GADL1: variants seen among roughly 807,000 people sequenced by gnomAD.
The protein encoded by GADL1 is GAD like acidic amino acid decarboxylase 1.
In GADL1, 71 loss-of-function variants were observed where a neutral mutation model predicts 69.5. The ratio of observed to expected loss-of-function variants is 1.02; its 90% CI spans 0.84 to 1.25. GADL1 has a LOEUF of 1.25. GADL1 is among the 50% of genes most tolerant of loss of function. The pLI is 0.00. For missense variants in GADL1, 737 were observed against 631.8 expected, an observed-to-expected ratio of 1.17 and a Z score of -1.79; for synonymous variants, 254 against 214.4, an observed-to-expected ratio of 1.18 and a Z score of -1.62.
intron 13 of GADL1, among the ~76,000 whole-genome samples, chr3:30,782,097 A>C (rs1410344543): frequency 6.6e-6 from 1 of 152,206 alleles, no homozygotes; most frequent in Non-Finnish European, 1.5e-5. Context: ...TGTACTGAAG[A>C]GAGGTGAAGC....
chr3:30,755,009 T>C (rs1434015168), intron 14 of GADL1, among the ~76,000 whole-genome samples: 2 of 152,194 alleles, frequency 1.3e-5, no homozygotes, highest in African/African-American at 4.8e-5. Context: ...TCAGCATCTC[T>C]GAAAAGATTT....
chr3:30,734,204 C>A (rs763806837), intron 14 of GADL1, among the ~76,000 whole-genome samples: 3 of 152,174 alleles, frequency 2.0e-5, no homozygotes, highest in Non-Finnish European at 2.9e-5. Context: ...AGTCTCACAT[C>A]GATTTACATC....
At chr3:30,816,531 T>TTTTC in intron 11 of GADL1, among the ~76,000 whole-genome samples, 1 of 31,064 alleles carries the variant, frequency 3.2e-5, no homozygotes, top group Non-Finnish European at 5.3e-5. Flanking sequence ...ATTTGTTTTC[T>TTTTC]TTTTTTTTTT....
chr3:30,807,528 CAG>C (rs1697275730), intron 11 of GADL1, among the ~76,000 whole-genome samples: 1 of 152,148 alleles, frequency 6.6e-6, no homozygotes, highest in Non-Finnish European at 1.5e-5. Flanking sequence ...TTACAAGTCT[CAG>C]TGTAGTTTAA....
chr3:30,887,664 C>T (rs1356503897), intron 1 of GADL1, among the ~76,000 whole-genome samples: 1 of 152,038 alleles, frequency 6.6e-6, no homozygotes, highest in Non-Finnish European at 1.5e-5. Flanking sequence ...AGGCAGTCTT[C>T]AGGAAAAATG....
intron 14 of GADL1, among the ~76,000 whole-genome samples, chr3:30,772,961 C>CCA (rs1176458708): frequency 2.0e-5 from 3 of 152,010 alleles, no homozygotes; most frequent in African/African-American, 7.3e-5. Flanking sequence ...TCACTAGGAA[C>CCA]CACCACTAGC....
chr3:30,775,760 A>T (rs1696523031), intron 14 of GADL1, among the ~76,000 whole-genome samples: 1 of 152,204 alleles, frequency 6.6e-6, no homozygotes, highest in African/African-American at 2.4e-5. Context: ...TATTGGGGAT[A>T]AGAGAATGTC....
intron 1 of GADL1, among the ~76,000 whole-genome samples, chr3:30,890,419 AATG>A (rs759315443): frequency 9.2e-5 from 14 of 152,220 alleles, no homozygotes; most frequent in Non-Finnish European, 1.3e-4. Context: ...TGTAAAAAAG[AATG>A]ATGATATGGG....
At chr3:30,862,283 T>C (rs141463321) in intron 1 of GADL1, among the ~76,000 whole-genome samples, 248 of 151,976 alleles carry the variant, frequency 1.6e-3, no homozygotes, top group Non-Finnish European at 3.1e-3. Context: ...CACAGGAGAG[T>C]TCGAGATGGA....
chr3:30,834,732 G>A (rs151239876), intron 9 of GADL1, among the ~76,000 whole-genome samples: 132 of 152,152 alleles, frequency 8.7e-4, no homozygotes, highest in African/African-American at 3.0e-3. Flanking sequence ...GGATGAGCTA[G>A]GCGGAAATAT....
chr3:30,822,656 A>G lies in GADL1; in HGVS notation c.1050+11197T>C, dbSNP rs889206118. On this transcript the variant is annotated intron_variant, in intron 11 of 14. Coordinates refer to ENST00000282538, the MANE Select transcript of GADL1 (RefSeq NM_207359.3). Reference sequence around the variant, plus strand: ...ACAACTAATTTTCGCATTCTTAATTATGCTTGACTCTGACAGTGTGATCAT... The same window carrying G: ...ACAACTAATTTTCGCATTCTTAATTGTGCTTGACTCTGACAGTGTGATCAT... Among the ~76,000 whole-genome samples, 4 of 152,174 alleles carry G rather than the reference A, an allele frequency of 2.6e-5. No homozygotes were observed. In the East Asian group the frequency reaches 7.8e-4, roughly 29 times the overall value.
chr3:30,768,174 A>G (rs1696329882), intron 14 of GADL1, among the ~76,000 whole-genome samples: 1 of 152,186 alleles, frequency 6.6e-6, no homozygotes, highest in African/African-American at 2.4e-5. Context: ...TCAAAGCTGC[A>G]TGAGTTTTTT....
chr3:30,819,396 A>G (rs1316676715), intron 11 of GADL1, among the ~76,000 whole-genome samples: 1 of 152,156 alleles, frequency 6.6e-6, no homozygotes, highest in Non-Finnish European at 1.5e-5. Flanking sequence ...CATTCTGATC[A>G]TTGAGTACAA....
At chr3:30,852,236 T>C (rs902754553) in intron 4 of GADL1, among the ~76,000 whole-genome samples, 2 of 152,284 alleles carry the variant, frequency 1.3e-5, no homozygotes, top group South Asian at 2.1e-4. Context: ...TAGATTCAGC[T>C]GGGTGCAGTG....
intron 14 of GADL1, 101 bp downstream of exon 14, chr3:30,778,078 T>G: frequency 4.3e-6 from 3 of 696,430 alleles, no homozygotes; most frequent in Non-Finnish European, 7.7e-6. Context: ...CTTCTCTAGA[T>G]AATTCTGTGC....
chr3:30,740,899 C>T (rs7428781), intron 14 of GADL1, among the ~76,000 whole-genome samples: 11,308 of 140,296 alleles, frequency 0.081, 1,231 homozygotes, highest in African/African-American at 0.26. Flanking sequence ...TACAAACAAA[C>T]ATATATATAT....
At chr3:30,892,102 A>G (rs1698795417) in intron 1 of GADL1, among the ~76,000 whole-genome samples, 1 of 152,236 alleles carries the variant, frequency 6.6e-6, no homozygotes, top group South Asian at 2.1e-4. Context: ...GAGTCTGAAG[A>G]ATCATTCATT....
chr3:30,821,748 G>C (rs1179719142), intron 11 of GADL1, among the ~76,000 whole-genome samples: 1 of 151,556 alleles, frequency 6.6e-6, no homozygotes. Flanking sequence ...TTTTTTAAAA[G>C]AGTGAATATA....
At chr3:30,766,564 T>TTC (rs1553637115) in intron 14 of GADL1, among the ~76,000 whole-genome samples, 26 of 152,022 alleles carry the variant, frequency 1.7e-4, no homozygotes, top group South Asian at 6.2e-4. Flanking sequence ...TGATTTTTTT[T>TTC]CTCTTAATGA....
Sources: allele counts gnomAD v4.1 joint callset (sites outside exome capture counted in the v4.1 genomes callset), GRCh38; gene constraint gnomAD v4.1.1; transcripts MANE v1.5; gene names NCBI Gene and HGNC (gene_info 2026-07-23, HGNC 2026-07-21).